The following ZNF469 variants were observed in gnomAD, a reference collection of about 807,000 sequenced individuals.
ZNF469 encodes zinc finger protein 469.
ZNF469 carries 1 observed loss-of-function variant against 1.0 expected under a neutral mutation model. The ratio of observed to expected loss-of-function variants is 1.00; its 90% CI spans 0.35 to 4.73. The LOEUF is 4.73. Ranked by LOEUF, ZNF469 falls within the 30% of genes most tolerant of loss-of-function variation. The pLI is 0.16. For missense variants in ZNF469, 6,100 were observed against 5,356.3 expected, an observed-to-expected ratio of 1.14 and a Z score of -4.33; for synonymous variants, 2,703 against 2,363.4, an observed-to-expected ratio of 1.14 and a Z score of -4.17.
At chr16:88,326,926 C>G in the ZNF469 span, among the ~76,000 whole-genome samples, 1 of 152,112 alleles carries the variant, frequency 6.6e-6, no homozygotes, top group Non-Finnish European at 1.5e-5. Flanking sequence ...GCAGCACCCC[C>G]ACCTCTCTCG....
chr16:88,306,114 A>C, the ZNF469 span, among the ~76,000 whole-genome samples: 1 of 152,240 alleles, frequency 6.6e-6, no homozygotes, highest in Non-Finnish European at 1.5e-5. Flanking sequence ...TTGTGGGCCT[A>C]AGGAAGTCAC....
At chr16:88,207,860 C>T in the ZNF469 span, among the ~76,000 whole-genome samples, 2 of 151,934 alleles carry the variant, frequency 1.3e-5, no homozygotes, top group South Asian at 4.2e-4. Flanking sequence ...CTCCACATCT[C>T]GATCCCATCT....
chr16:88,264,966 G>A, the ZNF469 span, among the ~76,000 whole-genome samples: 2 of 152,126 alleles, frequency 1.3e-5, no homozygotes, highest in Admixed American at 6.5e-5. Context: ...GCTGACTGCG[G>A]TTCTGTGCTC....
the ZNF469 span, among the ~76,000 whole-genome samples, chr16:88,329,520 A>C: frequency 5.2e-4 from 79 of 152,206 alleles, no homozygotes; most frequent in African/African-American, 1.8e-3. Context: ...AGGATGAAAC[A>C]CAGGTGGGAG....
At chr16:88,258,822 A>G in the ZNF469 span, among the ~76,000 whole-genome samples, 2,682 of 152,224 alleles carry the variant, frequency 0.018, 80 homozygotes, top group African/African-American at 0.062. Context: ...CCTCACAGTA[A>G]TCCTTCTACA....
intron 1 of ZNF469, among the ~76,000 whole-genome samples, chr16:88,398,248 G>C (rs867785537): frequency 6.6e-6 from 1 of 151,750 alleles, no homozygotes; most frequent in Non-Finnish European, 1.5e-5. Flanking sequence ...GGCCACACAC[G>C]CAAGACACCA....
Position 88,429,002 on chromosome 16 carries a change from C to G in ZNF469, c.1532C>G (p.Pro511Arg). The G allele has an allele frequency of 6.5e-7, 1 of 1,549,646 alleles. No homozygotes were observed. Among genetic ancestry groups the G allele is most frequent in the South Asian group, 1.2e-5 (1 of 84,038 alleles). ...LSRLPFPAGG[P>R]EWQGGSQGAL... ...CGGCTGCCTTTCCCCGCGGGGGGCC[C>G]CGAGTGGCAGGGGGGCAGCCAAGGA... Residue 511 changes from proline to arginine, a missense_variant, in exon 3 of 3, where the codon CCC becomes CGC. Coordinates refer to ENST00000565624, the MANE Select transcript of ZNF469 (RefSeq NM_001367624.2).
chr16:88,374,773 T>C, the ZNF469 span, among the ~76,000 whole-genome samples: 1 of 151,350 alleles, frequency 6.6e-6, no homozygotes, highest in African/African-American at 2.4e-5. Flanking sequence ...CGGCGCCGTA[T>C]GCCAAGTGGG....
At chr16:88,153,622 G>A in the ZNF469 span, among the ~76,000 whole-genome samples, 1 of 152,246 alleles carries the variant, frequency 6.6e-6, no homozygotes, top group African/African-American at 2.4e-5. Context: ...TGGACTGCGG[G>A]AGGCCTTGTG....
At chr16:88,220,268 G>T in the ZNF469 span, among the ~76,000 whole-genome samples, 1 of 152,274 alleles carries the variant, frequency 6.6e-6, no homozygotes, top group African/African-American at 2.4e-5. Context: ...TTGTGTGAAC[G>T]CATCCTTCAG....
chr16:88,149,395 A>T, the ZNF469 span, among the ~76,000 whole-genome samples: 2 of 152,034 alleles, frequency 1.3e-5, no homozygotes, highest in African/African-American at 4.8e-5. Flanking sequence ...CTTATCTGTC[A>T]GGCCGGTGTC....
the ZNF469 span, among the ~76,000 whole-genome samples, chr16:88,210,607 G>A: frequency 6.6e-6 from 1 of 152,146 alleles, no homozygotes; most frequent in Non-Finnish European, 1.5e-5. Flanking sequence ...TTTATGTATA[G>A]TATGAGATAT....
chr16:88,360,310 G>A, the ZNF469 span, among the ~76,000 whole-genome samples: 18,080 of 152,228 alleles, frequency 0.12, 1,167 homozygotes, highest in African/African-American at 0.16. Context: ...GTGAGCCACC[G>A]TGCCTGGCCT....
chr16:88,230,183 G>A, the ZNF469 span, among the ~76,000 whole-genome samples: 12 of 152,220 alleles, frequency 7.9e-5, no homozygotes, highest in South Asian at 4.1e-4. Context: ...TTCTAGTCCC[G>A]CTCGTGGTTT....
At chr16:88,328,226 G>T in the ZNF469 span, among the ~76,000 whole-genome samples, 8 of 152,266 alleles carry the variant, frequency 5.3e-5, no homozygotes, top group Admixed American at 5.2e-4. Context: ...TTCAGTCTTG[G>T]TGCTTTCTGC....
chr16:88,256,886 TTTTCTTTCCTTC>T, the ZNF469 span, among the ~76,000 whole-genome samples: 73 of 101,930 alleles, frequency 7.2e-4, 22 homozygotes, highest in South Asian at 1.3e-3. Flanking sequence ...TTTTCTTTTC[TTTTCTTTCCTTC>T]TTTCTTTCTT....
At chr16:88,109,826 T>C in the ZNF469 span, among the ~76,000 whole-genome samples, 1 of 152,234 alleles carries the variant, frequency 6.6e-6, no homozygotes. Flanking sequence ...CAGGAGGTGC[T>C]GAGCGTCTGT....
At chr16:88,378,458 G>A (rs1220198752), upstream of ZNF469, among the ~76,000 whole-genome samples, 1 of 152,178 alleles carries the variant, frequency 6.6e-6, no homozygotes, top group Non-Finnish European at 1.5e-5. Context: ...GTAACGGGGA[G>A]AGGACACACA....
Position 88,431,215 on chromosome 16 carries a change from C to T in ZNF469, c.3745C>T (p.Pro1249Ser). ...ATTCACAGAGGCTTTGCGTTCTCCT[C>T]CAGCCGCCTGTGCGGGAGAAATGGG... ...TEFTEALRSP[P>S]AACAGEMGAS... The change falls in exon 3 of 3, where the codon CCA (proline) becomes TCA (serine). Residue 1249 changes from proline (P) to serine (S), a missense_variant. Transcript: ENST00000565624. 8 of 1,550,400 alleles carry T rather than the reference C, an allele frequency of 5.2e-6. No individual in the cohort carries two copies. Among genetic ancestry groups the T allele is most frequent in the Non-Finnish European group, 7.0e-6 (8 of 1,146,982 alleles).
Sources: allele counts gnomAD v4.1 joint callset (sites outside exome capture counted in the v4.1 genomes callset), GRCh38; gene constraint gnomAD v4.1.1; transcripts MANE v1.5; gene names NCBI Gene and HGNC (gene_info 2026-07-23, HGNC 2026-07-21).